DLG2: variants seen among roughly 807,000 people sequenced by gnomAD.
DLG2 encodes the protein discs large MAGUK scaffold protein 2, also known as disks large homolog 2.
In DLG2, 45 loss-of-function variants were observed where a neutral mutation model predicts 132.5. That is an observed-to-expected ratio of 0.34 (90% CI 0.27 to 0.44). The LOEUF (loss-of-function observed/expected upper bound fraction) is 0.44. Ranked by LOEUF, DLG2 falls within the 20% of genes least tolerant of loss-of-function variation. The pLI, the probability that DLG2 is intolerant of heterozygous loss-of-function variation, is 1.00. For synonymous variants in DLG2, 424 were observed against 419.6 expected (o/e 1.01, Z -0.13); for missense variants, 1,045 against 1,196.9 (o/e 0.87, Z 1.87).
At chr11:85,274,018 C>T (rs879852754) in intron 4 of DLG2, among the ~76,000 whole-genome samples, 1 of 152,164 alleles carries the variant, frequency 6.6e-6, no homozygotes, top group Non-Finnish European at 1.5e-5. Flanking sequence ...GAAAACCAAA[C>T]ACCACATGTT....
At chr11:83,817,207 G>T (rs1259922621) in intron 17 of DLG2, among the ~76,000 whole-genome samples, 1 of 152,166 alleles carries the variant, frequency 6.6e-6, no homozygotes, top group East Asian at 1.9e-4. Context: ...AAGAGTATGG[G>T]ATATACAAAG....
At chr11:85,232,763 C>T (rs1449476583) in intron 4 of DLG2, among the ~76,000 whole-genome samples, 1 of 151,912 alleles carries the variant, frequency 6.6e-6, no homozygotes, top group African/African-American at 2.4e-5. Context: ...CAATACTAGA[C>T]AAAATAATTT....
rs555480458 is a variant in DLG2 at position 84,832,329 on chromosome 11, C to G, written c.357+279332G>C. The stretch of plus-strand genomic sequence containing the variant: ...TGATTTAGGTTCAGAAGCAACAAAC[C>G]CTTTTGGTCTTTTGGGTTAAAGTAC... On this transcript the variant is annotated intron_variant, in intron 6 of 27. Coordinates refer to ENST00000376104, the MANE Select transcript of DLG2 (RefSeq NM_001142699.3). 1.8e-4 allele frequency among the ~76,000 whole-genome samples: 28 copies of G among 151,696 alleles called. 1 individual carries two copies. The highest frequency in any genetic ancestry group is 4.8e-4 in the African/African-American group (20 of 41,464).
At chr11:83,716,240 A>G (rs1166781448) in intron 18 of DLG2, among the ~76,000 whole-genome samples, 1 of 152,186 alleles carries the variant, frequency 6.6e-6, no homozygotes, top group Non-Finnish European at 1.5e-5. Flanking sequence ...AAAACCACAT[A>G]TCAATAAATC....
chr11:84,428,603 C>T (rs1370706869), intron 7 of DLG2, among the ~76,000 whole-genome samples: 3 of 152,208 alleles, frequency 2.0e-5, no homozygotes, highest in African/African-American at 7.2e-5. Flanking sequence ...AAATCTGTCT[C>T]TTCCGCTTCT....
chr11:85,193,646 TTGTG>T (rs1480276594), intron 4 of DLG2, among the ~76,000 whole-genome samples: 1 of 152,242 alleles, frequency 6.6e-6, no homozygotes, highest in Non-Finnish European at 1.5e-5. Flanking sequence ...GATCATCTTT[TTGTG>T]TGTTTTAGCC....
At chr11:83,855,806 C>G (rs1009054421) in intron 16 of DLG2, among the ~76,000 whole-genome samples, 2 of 152,052 alleles carry the variant, frequency 1.3e-5, no homozygotes, top group Admixed American at 6.6e-5. Context: ...TGCCACTACA[C>G]TCCACCTGGG....
chr11:84,144,651 C>T (rs781496868), intron 9 of DLG2, among the ~76,000 whole-genome samples: 3 of 152,064 alleles, frequency 2.0e-5, no homozygotes, highest in Non-Finnish European at 4.4e-5. Flanking sequence ...AACAAAGGTC[C>T]ACTATTGAAA....
At chr11:85,049,551 A>G (rs2062690658) in intron 6 of DLG2, among the ~76,000 whole-genome samples, 1 of 152,098 alleles carries the variant, frequency 6.6e-6, no homozygotes, top group Non-Finnish European at 1.5e-5. Flanking sequence ...ACTAGATGCC[A>G]GTAATTATCT....
At chr11:83,480,381 T>G (rs1294975329) in intron 22 of DLG2, 3 of 1,535,408 alleles carry the variant, frequency 2.0e-6, no homozygotes, top group Non-Finnish European at 2.6e-6. Context: ...CGGTAGCTAC[T>G]TTCGCTATCG....
intron 16 of DLG2, among the ~76,000 whole-genome samples, chr11:83,847,850 C>T (rs1423626982): frequency 1.3e-5 from 2 of 152,210 alleles, no homozygotes; most frequent in African/African-American, 4.8e-5. Context: ...TCCTCTCCAA[C>T]TTGGCCTCTC....
intron 3 of DLG2, among the ~76,000 whole-genome samples, chr11:85,355,981 C>G (rs764027668): frequency 6.6e-6 from 1 of 152,170 alleles, no homozygotes; most frequent in Non-Finnish European, 1.5e-5. Flanking sequence ...CACAGATCAC[C>G]AAACACCCAC....
intron 3 of DLG2, among the ~76,000 whole-genome samples, chr11:85,563,286 A>G (rs1022747442): frequency 3.3e-5 from 5 of 151,988 alleles, no homozygotes; most frequent in African/African-American, 9.6e-5. Flanking sequence ...ACAAATGTCT[A>G]TAGTCATGTA....
At chr11:85,596,847 A>G (rs1364129282) in intron 3 of DLG2, among the ~76,000 whole-genome samples, 1 of 152,252 alleles carries the variant, frequency 6.6e-6, no homozygotes, top group Non-Finnish European at 1.5e-5. Context: ...ATTCAATAAT[A>G]ATAGATTACT....
intron 6 of DLG2, among the ~76,000 whole-genome samples, chr11:85,003,934 T>C (rs1041404649): frequency 5.9e-5 from 9 of 152,198 alleles, no homozygotes; most frequent in African/African-American, 2.2e-4. Flanking sequence ...TGTGTTCTCA[T>C]TGTTCAACTC....
At chr11:84,830,234 G>C (rs1412651852) in intron 6 of DLG2, among the ~76,000 whole-genome samples, 1 of 151,510 alleles carries the variant, frequency 6.6e-6, no homozygotes, top group Non-Finnish European at 1.5e-5. Context: ...GTATGAGGAG[G>C]CAAGTATGAA....
At chr11:85,352,378 T>G (rs771732171) in intron 3 of DLG2, among the ~76,000 whole-genome samples, 2 of 152,208 alleles carry the variant, frequency 1.3e-5, no homozygotes, top group Non-Finnish European at 2.9e-5. Flanking sequence ...ATTCACTGAT[T>G]TTTTGAAGGG....
At chr11:85,462,466 C>A (rs2092647632) in intron 3 of DLG2, among the ~76,000 whole-genome samples, 1 of 152,140 alleles carries the variant, frequency 6.6e-6, no homozygotes, top group South Asian at 2.1e-4. Context: ...GAATACTATG[C>A]AGCCATAAAA....
At chr11:84,084,706 C>A (rs1321149349) in intron 10 of DLG2, among the ~76,000 whole-genome samples, 1 of 151,992 alleles carries the variant, frequency 6.6e-6, no homozygotes, top group African/African-American at 2.4e-5. Context: ...AGTAGGAATT[C>A]TGTTAACTTA....
Sources: allele counts gnomAD v4.1 joint callset (sites outside exome capture counted in the v4.1 genomes callset), GRCh38; gene constraint gnomAD v4.1.1; transcripts MANE v1.5; gene names NCBI Gene and HGNC (gene_info 2026-07-23, HGNC 2026-07-21).